Variants in CACNA1C observed in about 807,000 individuals in gnomAD.
The protein encoded by CACNA1C is voltage-dependent L-type calcium channel subunit alpha-1C.
A neutral mutation model predicts 229.0 loss-of-function variants in CACNA1C; 30 were observed. That is an observed-to-expected ratio of 0.13 (90% CI 0.10 to 0.18). The LOEUF (loss-of-function observed/expected upper bound fraction) is 0.18. CACNA1C is among the 10% of genes least tolerant of loss of function. The pLI, the probability that CACNA1C is intolerant of heterozygous loss-of-function variation, is 1.00. For missense variants in CACNA1C, 1,658 were observed against 2,845.0 expected (o/e 0.58, Z 9.49); for synonymous variants, 1,114 against 1,132.5 (o/e 0.98, Z 0.33).
intron 3 of CACNA1C, among the ~76,000 whole-genome samples, chr12:2,360,149 A>ACC (rs2097516071): frequency 8.3e-6 from 1 of 120,216 alleles, no homozygotes; most frequent in South Asian, 3.2e-4. Flanking sequence ...ACACACAAAC[A>ACC]CACCCCACCC....
intron 5 of CACNA1C, among the ~76,000 whole-genome samples, chr12:2,475,028 G>A (rs1273838387): frequency 2.0e-5 from 3 of 151,936 alleles, no homozygotes; most frequent in African/African-American, 4.8e-5. Context: ...GGCTGGGCGC[G>A]GTGGCTCACG....
rs572737451 is a variant in CACNA1C at position 2,561,213 on chromosome 12, G to A, written c.1508+4236G>A. ...CCTTCGTGGGTCTTGTGAGCTCCGC[G>A]GAGAGGCAGGAACCATACAAATGAA... On this transcript the variant is annotated intron_variant, in intron 11 of 46. Transcript: ENST00000399655. Among the ~76,000 whole-genome samples the A allele has an allele frequency of 3.3e-5, 5 of 152,314 alleles. No homozygotes were observed. In the East Asian group the frequency reaches 5.8e-4, roughly 18 times the overall value.
rs74060009 is a variant in CACNA1C, at chr12:2,037,489, T to C, written c.139+66288T>C. Among the ~76,000 whole-genome samples, 289 of 152,294 alleles carry C rather than the reference T, an allele frequency of 1.9e-3. 3 individuals carry two copies. The highest frequency in any genetic ancestry group is 4.3e-3 in the African/African-American group (178 of 41,554). On this transcript the variant is annotated intron_variant, in intron 1 of 46. Coordinates refer to the CACNA1C transcript ENST00000682462. Reference sequence around the variant, plus strand: ...TTGGTCTTGAAATTGTTAAAAGGCATTGGGTACACCAAAAATGTCCTTGGG... The same window carrying C: ...TTGGTCTTGAAATTGTTAAAAGGCACTGGGTACACCAAAAATGTCCTTGGG...
chr12:2,595,869 T>C lies in CACNA1C; in HGVS notation c.2664-5T>C. On this transcript the variant is annotated splice_polypyrimidine_tract_variant and splice_region_variant and intron_variant, in intron 19 of 46. Coordinates refer to ENST00000399655, the MANE Select transcript of CACNA1C (RefSeq NM_000719.7). The surrounding 1 kb of genome is among the most constrained non-coding windows in gnomAD (Gnocchi z 4.1). ...GTCTCTCCTCCTGTCCCCTCTCCCGTACAGGTTTCGCCTCCAGTGCCACCG... is the reference window on the plus strand; with the variant it reads ...GTCTCTCCTCCTGTCCCCTCTCCCGCACAGGTTTCGCCTCCAGTGCCACCG... The C allele has an allele frequency of 6.2e-7, 1 of 1,613,160 alleles. No individual in the cohort carries two copies. The highest frequency in any genetic ancestry group is 8.5e-7 in the Non-Finnish European group (1 of 1,179,604).
chr12:2,645,872 GAA>G (rs2094301564), intron 30 of CACNA1C, among the ~76,000 whole-genome samples: 1 of 152,190 alleles, frequency 6.6e-6, no homozygotes, highest in Non-Finnish European at 1.5e-5. Flanking sequence ...TAAGGCTCAA[GAA>G]AAACTTAATC....
At chr12:2,332,225 C>T (rs1392460349) in intron 3 of CACNA1C, among the ~76,000 whole-genome samples, 33 of 152,230 alleles carry the variant, frequency 2.2e-4, no homozygotes, top group Non-Finnish European at 2.5e-4. Flanking sequence ...GCCTACATAC[C>T]TATCTATTGA....
intron 1 of CACNA1C, among the ~76,000 whole-genome samples, chr12:2,043,551 G>A (rs55745807): frequency 0.051 from 7,685 of 151,790 alleles, 267 homozygotes; most frequent in Middle Eastern, 0.079. Flanking sequence ...CATTTCATTC[G>A]TCAGGACTAG....
chr12:1,994,301 TAACA>T (rs1228641684), intron 1 of CACNA1C, among the ~76,000 whole-genome samples: 3 of 152,248 alleles, frequency 2.0e-5, no homozygotes, highest in Non-Finnish European at 2.9e-5. Context: ...GGGCTGTTAT[TAACA>T]AACCCACAGA....
At chr12:2,129,539 C>T (rs1299158552) in intron 3 of CACNA1C, among the ~76,000 whole-genome samples, 1 of 152,120 alleles carries the variant, frequency 6.6e-6, no homozygotes, top group Admixed American at 6.5e-5. Context: ...TGTAATAGAA[C>T]CCCTTTCATG....
chr12:2,490,538 T>G (rs1407504016), intron 6 of CACNA1C, among the ~76,000 whole-genome samples: 2 of 152,214 alleles, frequency 1.3e-5, no homozygotes, highest in African/African-American at 2.4e-5. Flanking sequence ...TGAACACATC[T>G]CCCTAGAAAG....
At chr12:2,111,884 C>A (rs2081909053) in intron 1 of CACNA1C, among the ~76,000 whole-genome samples, 1 of 152,200 alleles carries the variant, frequency 6.6e-6, no homozygotes, top group African/African-American at 2.4e-5. Context: ...CCCGAGGTTA[C>A]TGCGGGGGCA....
At chr12:2,522,924 A>G (rs1568206869) in intron 9 of CACNA1C, among the ~76,000 whole-genome samples, 3 of 152,072 alleles carry the variant, frequency 2.0e-5, no homozygotes, top group South Asian at 2.1e-4. Context: ...TGTAAGTTGC[A>G]CAGTTATGTG....
rs561224137 is a variant in CACNA1C, at chr12:2,449,077, C to T, written c.579C>T (p.Asn193=). 107 of 1,575,198 alleles carry T rather than the reference C, an allele frequency of 6.8e-5. No individual in the cohort carries two copies. The highest frequency in any genetic ancestry group is 5.0e-4 in the Middle Eastern group (3 of 5,988). Residue 193 remains asparagine (N), a synonymous_variant, in exon 4 of 47, where the codon AAC becomes AAT. Transcript: ENST00000399655. ...LLFHPNAYLR[N]GWNLLDFIIV... ...TTCACCCCAATGCCTACCTCCGCAA[C>T]GGCTGGAACCTACTAGATTTTATAA...
At position 2,639,691 on chromosome 12, in the gene CACNA1C, C is replaced by G. The variant is rs1400969081; in HGVS notation, c.3912+5311C>G. 1.3e-5 allele frequency among the ~76,000 whole-genome samples: 2 copies of G among 152,100 alleles called. No individual in the cohort carries two copies. The highest frequency in any genetic ancestry group is 2.9e-5 in the Non-Finnish European group (2 of 68,032). On this transcript the variant is annotated intron_variant, in intron 30 of 46. Transcript: ENST00000399655. The surrounding 1 kb of genome is among the most constrained non-coding windows in gnomAD (Gnocchi z 4.2). ...AGCTGGAGGTGGATGCTTCATTGCC[C>G]CCATTGCCTTGCTGGGTTCTGAGGT...
intron 29 of CACNA1C, among the ~76,000 whole-genome samples, chr12:2,615,836 G>T (rs929296716): frequency 2.6e-5 from 4 of 152,224 alleles, no homozygotes; most frequent in Non-Finnish European, 5.9e-5. Flanking sequence ...GGGAGGAGCT[G>T]CAGGAGGCGA....
chr12:2,653,723 A>C lies in CACNA1C; in HGVS notation c.4075-112A>C. The C allele has an allele frequency of 1.1e-6, 1 of 897,272 alleles. No individual in the cohort carries two copies. Among genetic ancestry groups the C allele is most frequent in the East Asian group, 2.6e-5 (1 of 38,956 alleles). 55.6% of individuals were successfully genotyped at this position (897,272 alleles called of 1,614,324 possible). A position where few individuals can be genotyped will look rare whatever the true frequency, so the allele number is the denominator to read the frequency against. On this transcript the variant is annotated intron_variant, in intron 32 of 46. Transcript: ENST00000399655. The surrounding 1 kb of genome is among the most constrained non-coding windows in gnomAD (Gnocchi z 4.7). ...GACTCTTGGAAGTGTCCCCCGGCCCAAACCGGGCAATAGCTGATGGCTGCA... is the reference window on the plus strand; with the variant it reads ...GACTCTTGGAAGTGTCCCCCGGCCCCAACCGGGCAATAGCTGATGGCTGCA...
chr12:2,508,348 C>T (rs935253112), intron 8 of CACNA1C, among the ~76,000 whole-genome samples: 3 of 152,226 alleles, frequency 2.0e-5, no homozygotes, highest in African/African-American at 7.2e-5. Context: ...ATAAAGCTTC[C>T]ATTTAAAGTG....
At chr12:2,544,629 T>C (rs2099877711) in intron 9 of CACNA1C, among the ~76,000 whole-genome samples, 1 of 152,228 alleles carries the variant, frequency 6.6e-6, no homozygotes, top group Non-Finnish European at 1.5e-5. Context: ...AGAAATAAGA[T>C]TTTTATTCCT....
Position 2,067,449 on chromosome 12 carries a change from C to T in CACNA1C, c.49+13838C>T, listed in dbSNP as rs967652043. Among the ~76,000 whole-genome samples, 27 of 141,488 alleles carry T rather than the reference C, an allele frequency of 1.9e-4. No homozygotes were observed. Among genetic ancestry groups the T allele is most frequent in the Non-Finnish European group, 3.8e-4 (25 of 65,382 alleles). The allele number at this position is 141,488 out of a possible 152,430, so 92.8% of individuals were successfully genotyped here. A position where few individuals can be genotyped will look rare whatever the true frequency, so the allele number is the denominator to read the frequency against. ...GCTTAGGACTGTGGACTAGGATGCA[C>T]GTGTGTGTGTGTGTGTGTGTGTGTG... On this transcript the variant is annotated intron_variant, in intron 1 of 46. Coordinates refer to ENST00000399655, the MANE Select transcript of CACNA1C (RefSeq NM_000719.7). The surrounding 1 kb of genome is among the most constrained non-coding windows in gnomAD (Gnocchi z 5.3).
Sources: allele counts gnomAD v4.1 joint callset (sites outside exome capture counted in the v4.1 genomes callset), GRCh38; gene constraint gnomAD v4.1.1; non-coding constraint Gnocchi (gnomAD v3.1); transcripts MANE v1.5; gene names NCBI Gene and HGNC (gene_info 2026-07-23, HGNC 2026-07-21).